CCDC13: variants seen among roughly 807,000 people sequenced by gnomAD.
The protein encoded by CCDC13 is coiled-coil domain containing 13, also known as coiled-coil domain-containing protein 13.
CCDC13 carries 70 observed loss-of-function variants against 87.3 expected under a neutral mutation model. That is an observed-to-expected ratio of 0.80 (90% confidence interval 0.66 to 0.98). The LOEUF (loss-of-function observed/expected upper bound fraction) is 0.98, where lower values mean the gene tolerates loss of function less well. Ranked by LOEUF, CCDC13 falls within the 50% of genes least tolerant of loss-of-function variation. The probability of loss-of-function intolerance (pLI) is 0.00; values close to 1 mark genes in which losing one functional copy is unlikely to be tolerated. For missense variants in CCDC13, 842 were observed against 892.0 expected, an observed-to-expected ratio of 0.94 and a Z score of 0.71; for synonymous variants, 317 against 360.3, an observed-to-expected ratio of 0.88 and a Z score of 1.36.
chr3:42,772,961 G>GA (rs1157120626), intron 1 of CCDC13, among the ~76,000 whole-genome samples: 7 of 152,226 alleles, frequency 4.6e-5, no homozygotes, highest in Admixed American at 3.9e-4. Context: ...GTACTGCATG[G>GA]AAAATAAGCG....
chr3:42,736,083 G>C (rs1023662654), intron 9 of CCDC13, among the ~76,000 whole-genome samples, 170 bp from the exon 10 acceptor site: 2 of 152,240 alleles, frequency 1.3e-5, no homozygotes, highest in African/African-American at 4.8e-5. Flanking sequence ...AGGGGATGTT[G>C]AATCAGGCAG....
At chr3:42,709,617 C>T in intron 15 of CCDC13, 67 bp downstream of exon 15, 2 of 1,264,848 alleles carry the variant, frequency 1.6e-6, no homozygotes, top group Non-Finnish European at 1.2e-6. Flanking sequence ...GACACAGTCC[C>T]TCTGCCCATG....
rs995197221 is a variant in CCDC13 at position 42,706,355 on chromosome 3, C to T, written c.*2625G>A. On this transcript the variant is annotated 3_prime_UTR_variant, in exon 16 of 16. Transcript: ENST00000310232. Reference sequence around the variant, plus strand: ...GAACAAATGGAGGGAACACTAAGAGCGAATAATTATTAAGCGCTTACTGTG... The same window carrying T: ...GAACAAATGGAGGGAACACTAAGAGTGAATAATTATTAAGCGCTTACTGTG... 21 of 152,238 alleles carry T rather than the reference C, an allele frequency of 1.4e-4. No individual in the cohort carries two copies. Among genetic ancestry groups the T allele is most frequent in the African/African-American group, 2.7e-4 (11 of 41,450 alleles). The allele number at this position is 152,238 out of a possible 1,614,324, so 9.4% of individuals were successfully genotyped here. A position where few individuals can be genotyped will look rare whatever the true frequency, so the allele number is the denominator to read the frequency against.
At chr3:42,721,436 A>T (rs567416070) in intron 13 of CCDC13, among the ~76,000 whole-genome samples, 2 of 152,368 alleles carry the variant, frequency 1.3e-5, no homozygotes, top group South Asian at 2.1e-4. Flanking sequence ...AATATCAAAC[A>T]GAAGTTAACT....
rs756143025 is a variant in CCDC13 at position 42,730,547 on chromosome 3, C to G, written c.1638G>C (p.Val546=). ...SPEQKGWQAQ[V]SEIKALWQAA... ...CCTGCCAGAGGGCCTTGATCTCTGA[C>G]ACTTGTGCCTGCCAGCCTTTTTGTT... The change falls in exon 13 of 16, where the codon GTG becomes GTC. Residue 546 remains valine (V), a synonymous_variant. Transcript: ENST00000310232. 22 of 1,614,076 alleles carry G rather than the reference C, an allele frequency of 1.4e-5. No homozygotes were observed. The highest frequency in any genetic ancestry group is 3.3e-5 in the Admixed American group (2 of 60,006).
At chr3:42,736,001 A>G in intron 9 of CCDC13, 88 bp from the exon 10 acceptor site, 1 of 1,256,756 alleles carries the variant, frequency 8.0e-7, no homozygotes, top group Non-Finnish European at 1.1e-6. Flanking sequence ...CTCACCCCAA[A>G]GCAGGCTGCA....
intron 13 of CCDC13, among the ~76,000 whole-genome samples, chr3:42,728,817 G>A (rs956968284): frequency 6.6e-6 from 1 of 152,176 alleles, no homozygotes; most frequent in African/African-American, 2.4e-5. Context: ...AGTAGCAGGA[G>A]GAACCCAAGG....
chr3:42,745,896 C>G (rs1238598062), intron 7 of CCDC13, 27 bp downstream of exon 7: 1 of 1,565,376 alleles, frequency 6.4e-7, no homozygotes, highest in African/African-American at 1.4e-5. Context: ...TTTGTTCAGG[C>G]CAGGAGAAGT....
intron 5 of CCDC13, 115 bp downstream of exon 5, chr3:42,751,821 G>A (rs907837401): frequency 9.7e-6 from 8 of 827,734 alleles, no homozygotes; most frequent in African/African-American, 3.4e-5. Context: ...GCTCGGCAGC[G>A]GGGTTGGGGG....
intron 10 of CCDC13, among the ~76,000 whole-genome samples, chr3:42,734,172 C>A (rs1698923287): frequency 6.6e-6 from 1 of 152,202 alleles, no homozygotes; most frequent in African/African-American, 2.4e-5. Context: ...AGAGGACCCC[C>A]AGCAGGAGGT....
chr3:42,711,156 G>T (rs1559634756), intron 14 of CCDC13, among the ~76,000 whole-genome samples: 1 of 148,422 alleles, frequency 6.7e-6, no homozygotes. Flanking sequence ...TGAGGCAGGG[G>T]AATTGCTTGA....
At chr3:42,730,753 G>A (rs1032701183) in intron 12 of CCDC13, among the ~76,000 whole-genome samples, 164 bp from the exon 13 acceptor site, 6 of 152,142 alleles carry the variant, frequency 3.9e-5, no homozygotes, top group African/African-American at 1.4e-4. Context: ...TGGCTTCTTT[G>A]CCCACCATTC....
chr3:42,746,020 G>C lies in CCDC13; in HGVS notation c.728C>G (p.Ala243Gly). Residue 243 changes from alanine (A) to glycine (G), a missense_variant, in exon 7 of 16, where the codon GCC becomes GGC. Transcript: ENST00000310232. ...QELRMAQKVL[A>G]REVGEDINVQ... is the part of the protein sequence containing the mutation. ...GTTGATGTCTTCCCCAACCTCTCTG[G>C]CCAAAACCTGAAATAAGGCAGGGCC... 6.2e-7 allele frequency: 1 copy of C among 1,613,794 alleles called. No homozygotes were observed. Among genetic ancestry groups the C allele is most frequent in the Non-Finnish European group, 8.5e-7 (1 of 1,179,738 alleles).
At chr3:42,733,339 T>C in intron 11 of CCDC13, 131 bp downstream of exon 11, 2 of 1,138,128 alleles carry the variant, frequency 1.8e-6, no homozygotes, top group Admixed American at 3.7e-5. Context: ...GAGGCCCACG[T>C]ATTGGAAGAA....
rs66840281 is a variant in CCDC13, at chr3:42,743,384, A to ATATTTATT, written c.826-335_826-328dup. On this transcript the variant is annotated intron_variant, in intron 7 of 15. Transcript: ENST00000310232. ...ATGGCAGGTCTCAGTTCAAGAAAGA[A>ATATTTATT]TATTTATTTATTTATTTATTTATTT... 1.7e-3 allele frequency among the ~76,000 whole-genome samples: 224 copies of ATATTTATT among 131,780 alleles called. 3 individuals carry two copies. Among genetic ancestry groups the ATATTTATT allele is most frequent in the Middle Eastern group, 3.8e-3 (1 of 266 alleles). 86.5% of individuals were successfully genotyped at this position (131,780 alleles called of 152,430 possible). A position where few individuals can be genotyped will look rare whatever the true frequency, so the allele number is the denominator to read the frequency against.
At chr3:42,733,881 G>A (rs1387433707) in intron 10 of CCDC13, among the ~76,000 whole-genome samples, 1 of 152,220 alleles carries the variant, frequency 6.6e-6, no homozygotes, top group African/African-American at 2.4e-5. Flanking sequence ...GAGGTGCACG[G>A]CCCTGCATGC....
intron 10 of CCDC13, 152 bp from the exon 11 acceptor site, chr3:42,733,761 A>C: frequency 8.0e-6 from 7 of 875,542 alleles, no homozygotes; most frequent in Non-Finnish European, 1.2e-5. Context: ...TGGTGAAGGC[A>C]CTACTTGCAT....
Position 42,707,104 on chromosome 3 carries a change from T to C in CCDC13, c.*1876A>G, listed in dbSNP as rs908145873. Among the ~76,000 whole-genome samples, 4 of 152,208 alleles carry C rather than the reference T, an allele frequency of 2.6e-5. No individual in the cohort carries two copies. In the East Asian group the frequency reaches 7.7e-4, roughly 29 times the overall value. On this transcript the variant is annotated 3_prime_UTR_variant, in exon 16 of 16. Transcript: ENST00000310232. ...GAGGAAGGATGGCTGATCCTATGCC[T>C]GCTTCTCACTCCCTGGGACTGCACT...
At chr3:42,756,305 G>C (rs575377616) in intron 3 of CCDC13, among the ~76,000 whole-genome samples, 23 of 152,298 alleles carry the variant, frequency 1.5e-4, no homozygotes, top group African/African-American at 5.1e-4. Context: ...TACATCAGCA[G>C]GGCAAAAGTC....
Sources: gnomAD v4.1 joint callset for allele counts (sites outside exome capture counted in the v4.1 genomes callset) on GRCh38, gnomAD v4.1.1 for gene constraint, MANE v1.5 for transcripts, NCBI Gene and HGNC (gene_info 2026-07-23, HGNC 2026-07-21) for gene names.